The following SASH1 variants were observed in gnomAD, a reference collection of about 807,000 sequenced individuals.
SASH1 encodes the protein SAM and SH3 domain containing 1, also known as SAM and SH3 domain-containing protein 1.
Under a neutral mutation model 125.2 loss-of-function variants are expected in SASH1, and 44 were observed. The observed-to-expected ratio is 0.35, with a 90% CI of 0.28 to 0.45. The LOEUF is 0.45. Among genes scored for constraint, SASH1 ranks in the 20% least tolerant of loss-of-function variants. SASH1 has a pLI of 1.00. For synonymous variants in SASH1, 639 were observed against 649.1 expected (o/e 0.98, Z 0.24); for missense variants, 1,426 against 1,614.5 (o/e 0.88, Z 2.00).
At chr6:148,357,221 G>A (rs1781981119) in intron 1 of SASH1, among the ~76,000 whole-genome samples, 1 of 152,140 alleles carries the variant, frequency 6.6e-6, no homozygotes, top group South Asian at 2.1e-4. Context: ...ACTTCCTGTT[G>A]TTGGCATCCT....
intron 1 of SASH1, among the ~76,000 whole-genome samples, chr6:148,298,299 C>T (rs1042379917): frequency 3.9e-5 from 6 of 152,044 alleles, no homozygotes; most frequent in South Asian, 2.1e-4. Flanking sequence ...AGACATGAGC[C>T]GCCGTGCCCG....
Position 148,458,746 on chromosome 6 carries a change from G to A in SASH1, c.387-9799G>A, listed in dbSNP as rs112246609. On this transcript the variant is annotated intron_variant, in intron 4 of 19. Transcript: ENST00000367467. ...TTAGGGAGGCCAAGGTGGGAGAATT[G>A]CTTGAGGCCAGGACAAGACCAGCCT... Among the ~76,000 whole-genome samples, 413 of 152,208 alleles carry A rather than the reference G, an allele frequency of 2.7e-3. 1 individual carries two copies. The highest frequency in any genetic ancestry group is 6.8e-3 in the Middle Eastern group (2 of 294).
At chr6:148,289,363 G>A (rs1779564983) in intron 1 of SASH1, among the ~76,000 whole-genome samples, 1 of 152,298 alleles carries the variant, frequency 6.6e-6, no homozygotes, top group Non-Finnish European at 1.5e-5. Flanking sequence ...CCTGTGGAAA[G>A]GCGTGAGCCT....
At chr6:148,369,628 T>C (rs4537167) in intron 1 of SASH1, among the ~76,000 whole-genome samples, 106,730 of 151,812 alleles carry the variant, frequency 0.7, 37,773 homozygotes, top group South Asian at 0.83. Flanking sequence ...TTAACCACTC[T>C]ACCATACTGG....
intron 5 of SASH1, among the ~76,000 whole-genome samples, chr6:148,471,030 ACC>A (rs1452679327): frequency 6.6e-6 from 1 of 152,054 alleles, no homozygotes; most frequent in Non-Finnish European, 1.5e-5. Context: ...TTCTTAAAAT[ACC>A]CTATTTGTGG....
chr6:148,440,243 A>G lies in SASH1; in HGVS notation c.336+9A>G, dbSNP rs753752046. Reference sequence around the variant, plus strand: ...TGCGGTCCCAGATCGAAGTAAGCACAATGACTTTAATCATCTAGTTTTGCT... The same window carrying G: ...TGCGGTCCCAGATCGAAGTAAGCACGATGACTTTAATCATCTAGTTTTGCT... On this transcript the variant is annotated intron_variant, in intron 3 of 19. Transcript: ENST00000367467. 2 of 1,613,604 alleles carry G rather than the reference A, an allele frequency of 1.2e-6. No individual in the cohort carries two copies. Among genetic ancestry groups the G allele is most frequent in the Non-Finnish European group, 8.5e-7 (1 of 1,179,890 alleles).
rs1044237801 is a variant in SASH1, at chr6:148,467,242, C to A, written c.387-1303C>A. On this transcript the variant is annotated intron_variant, in intron 4 of 19. Coordinates refer to ENST00000367467, the MANE Select transcript of SASH1 (RefSeq NM_015278.5). The stretch of plus-strand genomic sequence containing the variant: ...CTCCCGAGTAGCTAGGATTACAGGC[C>A]TGTGCCACCACGCCTAGCTAATTTT... Among the ~76,000 whole-genome samples, 7 of 151,932 alleles carry A rather than the reference C, an allele frequency of 4.6e-5. 1 individual carries two copies. Among genetic ancestry groups the A allele is most frequent in the Admixed American group, 3.3e-4 (5 of 15,252 alleles).
chr6:148,246,866 C>T, the SASH1 span, among the ~76,000 whole-genome samples: 1 of 152,182 alleles, frequency 6.6e-6, no homozygotes, highest in African/African-American at 2.4e-5. Flanking sequence ...CTTTTTGTTT[C>T]CATTTACTGA....
intron 4 of SASH1, among the ~76,000 whole-genome samples, chr6:148,442,798 G>T (rs1286262168): frequency 6.6e-6 from 1 of 151,334 alleles, no homozygotes. Flanking sequence ...TTTTGAGAGG[G>T]AGTATCGCTC....
chr6:148,357,756 T>C (rs576978397), intron 1 of SASH1, among the ~76,000 whole-genome samples: 14 of 152,152 alleles, frequency 9.2e-5, no homozygotes, highest in Non-Finnish European at 1.6e-4. Context: ...GTCAGCCTCC[T>C]GTTGTCACCT....
intron 5 of SASH1, among the ~76,000 whole-genome samples, chr6:148,470,298 C>T (rs924457516): frequency 3.9e-5 from 6 of 152,160 alleles, no homozygotes; most frequent in African/African-American, 7.2e-5. Flanking sequence ...TGACAGACGA[C>T]GCCCTTTCTA....
the SASH1 span, among the ~76,000 whole-genome samples, chr6:148,224,413 T>G: frequency 1.3e-5 from 2 of 151,536 alleles, no homozygotes; most frequent in Non-Finnish European, 2.9e-5. Flanking sequence ...CGGGCTGGAG[T>G]GCAGTGGTGC....
intron 4 of SASH1, among the ~76,000 whole-genome samples, chr6:148,442,206 G>T (rs1776573565): frequency 6.6e-6 from 1 of 152,014 alleles, no homozygotes; most frequent in African/African-American, 2.4e-5. Context: ...GGGCAACATA[G>T]TAAGACCCTG....
At chr6:148,546,598 A>AT (rs1782587827) in intron 19 of SASH1, among the ~76,000 whole-genome samples, 1 of 152,230 alleles carries the variant, frequency 6.6e-6, no homozygotes, top group Admixed American at 6.5e-5. Context: ...TACAGTTAAT[A>AT]ACAATGTATA....
intron 1 of SASH1, among the ~76,000 whole-genome samples, chr6:148,275,229 G>T (rs1269825075): frequency 6.6e-6 from 1 of 152,172 alleles, no homozygotes; most frequent in Non-Finnish European, 1.5e-5. Context: ...ACAATGAATG[G>T]TAATAATGTT....
At chr6:148,400,733 A>C (rs1433931026) in intron 2 of SASH1, among the ~76,000 whole-genome samples, 2 of 152,180 alleles carry the variant, frequency 1.3e-5, no homozygotes, top group Non-Finnish European at 2.9e-5. Flanking sequence ...CCTGGGCGAC[A>C]GAGTGAGACT....
At chr6:148,345,859 C>T (rs1562338181) in intron 1 of SASH1, among the ~76,000 whole-genome samples, 1 of 152,150 alleles carries the variant, frequency 6.6e-6, no homozygotes, top group Admixed American at 6.6e-5. Context: ...GATGTCATGA[C>T]GCTCCATAGT....
rs1781113611 is a variant in SASH1, at chr6:148,525,827, A to G, written c.1284+462A>G. On this transcript the variant is annotated intron_variant, in intron 11 of 19. Transcript: ENST00000367467. ...CCCAGTACCTGGCCCCACATGGCCT[A>G]TACTAAGCCTAGGATTTTGTGGTCT... Among the ~76,000 whole-genome samples the G allele has an allele frequency of 2.0e-5, 3 of 152,066 alleles. No homozygotes were observed. In the South Asian group the frequency reaches 6.2e-4, roughly 32 times the overall value.
At chr6:148,262,798 G>A in the SASH1 span, among the ~76,000 whole-genome samples, 21 of 152,298 alleles carry the variant, frequency 1.4e-4, no homozygotes, top group African/African-American at 5.1e-4. Context: ...CAGGAGAATC[G>A]CTTGAACCCG....
Sources: allele counts gnomAD v4.1 joint callset (sites outside exome capture counted in the v4.1 genomes callset), GRCh38; gene constraint gnomAD v4.1.1; transcripts MANE v1.5; gene names NCBI Gene and HGNC (gene_info 2026-07-23, HGNC 2026-07-21).